MAP4K4: variants seen among roughly 807,000 people sequenced by gnomAD.
The protein encoded by MAP4K4 is HPK/GCK-like kinase HGK.
A neutral mutation model predicts 189.6 loss-of-function variants in MAP4K4; 38 were observed. That is an observed-to-expected ratio of 0.20 (90% CI 0.15 to 0.26). MAP4K4 has a LOEUF of 0.26. Among genes scored for constraint, MAP4K4 ranks in the 10% least tolerant of loss-of-function variants. The pLI, the probability that MAP4K4 is intolerant of heterozygous loss-of-function variation, is 1.00. For missense variants in MAP4K4, 1,054 were observed against 1,726.9 expected, an observed-to-expected ratio of 0.61 and a Z score of 6.91; for synonymous variants, 610 against 624.3, an observed-to-expected ratio of 0.98 and a Z score of 0.34.
exon 26 of MAP4K4, chr2:101,874,196 A>G: frequency 6.2e-7 from 1 of 1,613,594 alleles, no homozygotes; most frequent in East Asian, 2.2e-5. Flanking sequence ...GACACCCCGG[A>G]GATTCGTAAA....
intron 2 of MAP4K4, among the ~76,000 whole-genome samples, chr2:101,758,691 T>C (rs2074186944): frequency 6.6e-6 from 1 of 152,174 alleles, no homozygotes; most frequent in Admixed American, 6.5e-5. Context: ...TAGGAGGAAC[T>C]ACGTGGTCTA....
chr2:101,784,066 T>A (rs1433635358), intron 2 of MAP4K4, among the ~76,000 whole-genome samples: 1 of 152,234 alleles, frequency 6.6e-6, no homozygotes, highest in Non-Finnish European at 1.5e-5. Flanking sequence ...CCTTTGATGA[T>A]CTTCAGTGCC....
At chr2:101,887,861 G>A (rs1286818759) in exon 31 of MAP4K4, 12 of 1,613,106 alleles carry the variant, frequency 7.4e-6, no homozygotes, top group Non-Finnish European at 1.0e-5. Flanking sequence ...ATGAAGATGA[G>A]GGGGTTTATG....
chr2:101,751,610 G>A (rs947451224), intron 2 of MAP4K4, among the ~76,000 whole-genome samples: 2 of 152,232 alleles, frequency 1.3e-5, no homozygotes, highest in African/African-American at 2.4e-5. Flanking sequence ...GCCTCTGCCT[G>A]ACCTCATGGA....
intron 2 of MAP4K4, among the ~76,000 whole-genome samples, chr2:101,733,741 G>A (rs2059374124): frequency 6.6e-6 from 1 of 152,210 alleles, no homozygotes; most frequent in Admixed American, 6.5e-5. Flanking sequence ...CTCGTGTAGT[G>A]CCAGCCAGTG....
chr2:101,877,297 G>A lies in MAP4K4; in HGVS notation c.3385+151G>A, dbSNP rs1053243216. ...CTTGACAATAATGTGAGCTGAAGAC[G>A]TATTCAGAGGTGACACACACGCCCA... On this transcript the variant is annotated intron_variant, in intron 27 of 32. Transcript: ENST00000324219. The A allele has an allele frequency of 2.9e-5, 9 of 308,764 alleles. No individual in the cohort carries two copies. In the South Asian group the frequency reaches 5.1e-4, roughly 17 times the overall value. The allele number at this position is 308,764 out of a possible 1,614,324, so 19.1% of individuals were successfully genotyped here. A position where few individuals can be genotyped will look rare whatever the true frequency, so the allele number is the denominator to read the frequency against.
intron 2 of MAP4K4, among the ~76,000 whole-genome samples, chr2:101,708,667 A>G (rs1276668163): frequency 6.6e-6 from 1 of 152,198 alleles, no homozygotes; most frequent in Non-Finnish European, 1.5e-5. Context: ...CTTACATTTC[A>G]GTGATATTTA....
intron 2 of MAP4K4, among the ~76,000 whole-genome samples, chr2:101,788,855 A>G (rs1032473587): frequency 2.0e-5 from 3 of 151,682 alleles, no homozygotes; most frequent in Non-Finnish European, 4.4e-5. Flanking sequence ...GGCTTTATTT[A>G]TGTTAAGATT....
intron 2 of MAP4K4, among the ~76,000 whole-genome samples, chr2:101,737,886 G>T (rs2061125279): frequency 6.6e-6 from 1 of 151,970 alleles, no homozygotes; most frequent in Non-Finnish European, 1.5e-5. Flanking sequence ...TTAAAAGTTG[G>T]CCAGGAATGA....
intron 2 of MAP4K4, among the ~76,000 whole-genome samples, chr2:101,702,165 T>C (rs1661482423): frequency 1.3e-5 from 2 of 152,206 alleles, no homozygotes; most frequent in Admixed American, 6.5e-5. Flanking sequence ...GCACCCGGCC[T>C]TATTGTTATT....
chr2:101,855,729 T>C (rs1461209043), intron 12 of MAP4K4, among the ~76,000 whole-genome samples: 3 of 152,202 alleles, frequency 2.0e-5, no homozygotes, highest in African/African-American at 7.2e-5. Flanking sequence ...CAGTGGGGAA[T>C]AATTGTTATC....
intron 3 of MAP4K4, among the ~76,000 whole-genome samples, chr2:101,801,346 A>G (rs1478890848): frequency 3.3e-5 from 5 of 152,194 alleles, no homozygotes; most frequent in Non-Finnish European, 7.4e-5. Context: ...AGGCATGTAG[A>G]AGGAAGTCTG....
At chr2:101,757,270 C>G (rs2073359709) in intron 2 of MAP4K4, among the ~76,000 whole-genome samples, 1 of 152,188 alleles carries the variant, frequency 6.6e-6, no homozygotes, top group African/African-American at 2.4e-5. Context: ...TTATGTAATT[C>G]TCTGTTAGTA....
At chr2:101,878,980 G>T (rs1428878272) in intron 27 of MAP4K4, among the ~76,000 whole-genome samples, 1 of 151,928 alleles carries the variant, frequency 6.6e-6, no homozygotes, top group Non-Finnish European at 1.5e-5. Context: ...TTTTAAGTTG[G>T]AGAAAACAAA....
chr2:101,732,935 TA>T (rs1455978768), intron 2 of MAP4K4, among the ~76,000 whole-genome samples: 1 of 152,248 alleles, frequency 6.6e-6, no homozygotes, highest in African/African-American at 2.4e-5. Context: ...GATGGATATG[TA>T]GTCTCTGGGA....
intron 2 of MAP4K4, among the ~76,000 whole-genome samples, chr2:101,703,123 A>T (rs2039960865): frequency 6.6e-6 from 1 of 152,086 alleles, no homozygotes; most frequent in Non-Finnish European, 1.5e-5. Context: ...CTTGATCCAG[A>T]TGTGTGTTGG....
chr2:101,708,721 G>C (rs1042477522), intron 2 of MAP4K4, among the ~76,000 whole-genome samples: 1 of 152,092 alleles, frequency 6.6e-6, no homozygotes, highest in Non-Finnish European at 1.5e-5. Flanking sequence ...AATCAATATT[G>C]GAACACTTTG....
At chr2:101,844,883 C>T (rs1299050029) in intron 12 of MAP4K4, among the ~76,000 whole-genome samples, 2 of 151,894 alleles carry the variant, frequency 1.3e-5, no homozygotes, top group East Asian at 1.9e-4. Context: ...CACACGTTTA[C>T]CTATGTAACA....
At chr2:101,736,725 C>T (rs2060407247) in intron 2 of MAP4K4, among the ~76,000 whole-genome samples, 4 of 152,144 alleles carry the variant, frequency 2.6e-5, no homozygotes, top group Admixed American at 2.6e-4. Flanking sequence ...TTGTAACACC[C>T]CTCACTGCTT....
Sources: allele counts gnomAD v4.1 joint callset (sites outside exome capture counted in the v4.1 genomes callset), GRCh38; gene constraint gnomAD v4.1.1; transcripts MANE v1.5; gene names NCBI Gene and HGNC (gene_info 2026-07-23, HGNC 2026-07-21).